The following RPS6KB1 variants were observed in gnomAD, a reference collection of about 807,000 sequenced individuals.
RPS6KB1 encodes ribosomal protein S6 kinase B1.
In RPS6KB1, 12 loss-of-function variants were observed where a neutral mutation model predicts 70.2. The observed-to-expected ratio is 0.17, with a 90% CI of 0.11 to 0.28. RPS6KB1 has a LOEUF of 0.28. Among genes scored for constraint, RPS6KB1 ranks in the 10% least tolerant of loss-of-function variants. RPS6KB1 has a pLI of 1.00. For synonymous variants in RPS6KB1, 175 were observed against 211.2 expected, an observed-to-expected ratio of 0.83 and a Z score of 1.49; for missense variants, 270 against 646.6, an observed-to-expected ratio of 0.42 and a Z score of 6.32.
chr17:59,929,042 GT>G, intron 5 of RPS6KB1, among the ~76,000 whole-genome samples: 1 of 151,932 alleles, frequency 6.6e-6, no homozygotes, highest in African/African-American at 2.4e-5. Flanking sequence ...CCATGGTGAC[GT>G]TTTTGTCTTT....
At chr17:59,909,553 A>G (rs1384003065) in intron 1 of RPS6KB1, among the ~76,000 whole-genome samples, 1 of 149,730 alleles carries the variant, frequency 6.7e-6, no homozygotes, top group Non-Finnish European at 1.5e-5. Context: ...GGTGTGAGCC[A>G]CCATGCCCAG....
rs185943411 is a variant in RPS6KB1, at chr17:59,912,040, A to G, written c.192-644A>G. On this transcript the variant is annotated intron_variant, in intron 2 of 14. Coordinates refer to ENST00000225577, the MANE Select transcript of RPS6KB1 (RefSeq NM_003161.4). ...ATGAGGTTGGATAATACCTAATTTCATAGATATTTTCAATGAAGTAAATTT... is the reference window on the plus strand; with the variant it reads ...ATGAGGTTGGATAATACCTAATTTCGTAGATATTTTCAATGAAGTAAATTT... 4.7e-4 allele frequency among the ~76,000 whole-genome samples: 71 copies of G among 152,360 alleles called. 1 individual carries two copies. The East Asian group carries it at 0.012, about 26-fold the overall frequency.
intron 10 of RPS6KB1, among the ~76,000 whole-genome samples, chr17:59,935,761 C>T (rs939309622): frequency 6.6e-6 from 1 of 151,968 alleles, no homozygotes; most frequent in African/African-American, 2.4e-5. Flanking sequence ...GGATTACAGA[C>T]CCTTAAACAA....
chr17:59,909,502 G>A (rs1283089565), intron 1 of RPS6KB1, among the ~76,000 whole-genome samples: 2 of 150,558 alleles, frequency 1.3e-5, no homozygotes, highest in Non-Finnish European at 3.0e-5. Context: ...TCCTGACCTC[G>A]TGATCTGCCC....
intron 1 of RPS6KB1, among the ~76,000 whole-genome samples, chr17:59,907,717 T>A (rs1040365624): frequency 6.6e-6 from 1 of 152,072 alleles, no homozygotes; most frequent in African/African-American, 2.4e-5. Context: ...TTTTAAAAAT[T>A]TTTTTGTGGA....
chr17:59,922,405 C>A (rs777513574), intron 4 of RPS6KB1, among the ~76,000 whole-genome samples: 1 of 151,302 alleles, frequency 6.6e-6, no homozygotes, highest in Non-Finnish European at 1.5e-5. Context: ...ATATTCTGTC[C>A]TATAATAATC....
intron 4 of RPS6KB1, among the ~76,000 whole-genome samples, chr17:59,917,997 A>C (rs2043054958): frequency 6.6e-6 from 1 of 151,886 alleles, no homozygotes; most frequent in African/African-American, 2.4e-5. Context: ...GCAATGGCGC[A>C]ATCTTGGCTC....
chr17:59,946,714 A>C lies in RPS6KB1; in HGVS notation c.1504A>C (p.Asn502His), dbSNP rs578242191. Residue 502 changes from asparagine to histidine, a missense_variant, in exon 15 of 15, where the codon AAC (asparagine) becomes CAC (histidine). Transcript: ENST00000225577. The surrounding 1 kb of genome is among the most constrained non-coding windows in gnomAD (Gnocchi z 4.2). ...GGCACCACTTCCAATACGACAGCCG[A>C]ACTCTGGGCCATACAAAAAACAAGC... ...ASAPLPIRQP[N>H]SGPYKKQAFP... 3.1e-6 allele frequency: 5 copies of C among 1,614,192 alleles called. No homozygotes were observed. Among genetic ancestry groups the C allele is most frequent in the Admixed American group, 3.3e-5 (2 of 60,030 alleles).
At chr17:59,911,888 G>T (rs968725469) in intron 2 of RPS6KB1, among the ~76,000 whole-genome samples, 1 of 152,098 alleles carries the variant, frequency 6.6e-6, no homozygotes, top group South Asian at 2.1e-4. Context: ...GAGCCACCAC[G>T]CCCATTGGAT....
chr17:59,927,048 T>C (rs1410359828), intron 5 of RPS6KB1, among the ~76,000 whole-genome samples: 3 of 152,132 alleles, frequency 2.0e-5, no homozygotes, highest in African/African-American at 7.2e-5. Flanking sequence ...CGTAGGAACT[T>C]GTTGATTCCA....
rs182247279 is a variant in RPS6KB1, at chr17:59,917,228, C to A, written c.381+2525C>A. 2.5e-3 allele frequency among the ~76,000 whole-genome samples: 381 copies of A among 152,088 alleles called. 2 individuals carry two copies. Among genetic ancestry groups the A allele is most frequent in the Admixed American group, 2.1e-3 (32 of 15,250 alleles). ...CAAATTCCTGGGCTCAAGCTATCCT[C>A]CCACCTCAGTCTCCTGAGTAGCTGG... is the stretch of plus-strand genomic sequence containing the variant. On this transcript the variant is annotated intron_variant, in intron 4 of 14. Coordinates refer to ENST00000225577, the MANE Select transcript of RPS6KB1 (RefSeq NM_003161.4).
Position 59,935,258 on chromosome 17 carries a change from G to A in RPS6KB1, c.936G>A (p.Leu312=), listed in dbSNP as rs779722386. ...IDKILKCKLN[L]PPYLTQEARD... is the part of the protein sequence containing the mutation. ...AAATCCTCAAATGTAAACTCAATTT[G>A]CCTCCCTACCTCACACAAGAAGCCA... The change falls in exon 10 of 15, where the codon TTG becomes TTA. Residue 312 remains leucine, a synonymous_variant. Coordinates refer to ENST00000225577, the MANE Select transcript of RPS6KB1 (RefSeq NM_003161.4). The A allele has an allele frequency of 1.9e-6, 3 of 1,612,648 alleles. No homozygotes were observed. Among genetic ancestry groups the A allele is most frequent in the Non-Finnish European group, 2.5e-6 (3 of 1,179,126 alleles).
chr17:59,919,612 A>G (rs2043155712), intron 4 of RPS6KB1, among the ~76,000 whole-genome samples: 1 of 151,902 alleles, frequency 6.6e-6, no homozygotes, highest in Non-Finnish European at 1.5e-5. Context: ...GCGGACTTTC[A>G]CTAAACTCGA....
In RPS6KB1 at chr17:59,893,198, G is replaced by A. The variant is rs1007996112; in HGVS notation, c.14G>A (p.Arg5Lys). The A allele has an allele frequency of 6.2e-7, 1 of 1,604,018 alleles. No individual in the cohort carries two copies. The highest frequency in any genetic ancestry group is 1.1e-5 in the South Asian group (1 of 89,226). MRRRRRRDGFYPAPD... is the reference protein window; with the variant it reads MRRRKRRDGFYPAPD... ...GGGTCCGGGCCCATGAGGCGACGAA[G>A]GAGGCGGGACGGCTTTTACCCAGCC... The change falls in exon 1 of 15, where the codon AGG becomes AAG. Residue 5 changes from arginine (R) to lysine (K), a missense_variant. This residue lies in a region of RPS6KB1 where 72 missense variants were observed against 93.4 expected (regional missense o/e 0.77). Coordinates refer to ENST00000225577, the MANE Select transcript of RPS6KB1 (RefSeq NM_003161.4). The surrounding 1 kb of genome is among the most constrained non-coding windows in gnomAD (Gnocchi z 4.1).
intron 7 of RPS6KB1, among the ~76,000 whole-genome samples, chr17:59,932,366 C>T (rs1481320824): frequency 1.3e-5 from 2 of 151,764 alleles, no homozygotes; most frequent in East Asian, 1.9e-4. Context: ...GAGCCAAGAT[C>T]GCGACATTAT....
intron 1 of RPS6KB1, among the ~76,000 whole-genome samples, chr17:59,901,816 A>G: frequency 6.6e-6 from 1 of 151,432 alleles, no homozygotes; most frequent in Non-Finnish European, 1.5e-5. Context: ...GGATCACTTG[A>G]GACTAGCCTG....
intron 13 of RPS6KB1, among the ~76,000 whole-genome samples, chr17:59,943,896 A>G (rs2044763720): frequency 7.2e-6 from 1 of 138,568 alleles, no homozygotes; most frequent in Non-Finnish European, 1.6e-5. Context: ...AAAATTATAT[A>G]TATATATATA....
At chr17:59,935,158 C>T in intron 9 of RPS6KB1, 35 bp from the exon 10 acceptor site, 3 of 1,313,550 alleles carry the variant, frequency 2.3e-6, no homozygotes, top group African/African-American at 2.9e-5. Flanking sequence ...TTTTTCTCTC[C>T]CTGCTAATAT....
At chr17:59,918,673 C>CT (rs779709264) in intron 4 of RPS6KB1, among the ~76,000 whole-genome samples, 86 of 152,006 alleles carry the variant, frequency 5.7e-4, no homozygotes, top group Non-Finnish European at 1.1e-3. Flanking sequence ...CCCAGCCTCT[C>CT]TGAGAGTTTA....
Sources: allele counts gnomAD v4.1 joint callset (sites outside exome capture counted in the v4.1 genomes callset), GRCh38; gene constraint gnomAD v4.1.1; regional missense constraint gnomAD v4.1.1; non-coding constraint Gnocchi (gnomAD v3.1); transcripts MANE v1.5; gene names NCBI Gene and HGNC (gene_info 2026-07-23, HGNC 2026-07-21).